ZNF385D: variants seen among roughly 807,000 people sequenced by gnomAD.
ZNF385D encodes zinc finger protein 659.
Under a neutral mutation model 35.8 loss-of-function variants are expected in ZNF385D, and 15 were observed. The ratio of observed to expected loss-of-function variants is 0.42; its 90% CI spans 0.28 to 0.64. The LOEUF (loss-of-function observed/expected upper bound fraction) is 0.64. Among genes scored for constraint, ZNF385D ranks in the 30% least tolerant of loss-of-function variants. The pLI is 0.23. For missense variants in ZNF385D, 474 were observed against 494.6 expected, an observed-to-expected ratio of 0.96 and a Z score of 0.39; for synonymous variants, 212 against 186.8, an observed-to-expected ratio of 1.13 and a Z score of -1.10.
chr3:22,140,496 T>G (rs1461720901), intron 3 of ZNF385D, among the ~76,000 whole-genome samples: 1 of 152,172 alleles, frequency 6.6e-6, no homozygotes, highest in African/African-American at 2.4e-5. Flanking sequence ...TGAAAATGTA[T>G]CTATGTGATA....
chr3:22,181,707 A>G (rs1256405675), intron 2 of ZNF385D, among the ~76,000 whole-genome samples: 1 of 152,048 alleles, frequency 6.6e-6, no homozygotes, highest in Non-Finnish European at 1.5e-5. Flanking sequence ...CAAAAAAAAA[A>G]AAAAAAAAAG....
chr3:22,176,322 T>A (rs1178086837), intron 2 of ZNF385D, among the ~76,000 whole-genome samples: 1 of 152,176 alleles, frequency 6.6e-6, no homozygotes, highest in Non-Finnish European at 1.5e-5. Flanking sequence ...TGTCACATGT[T>A]ATCATAAGTT....
At chr3:21,607,328 A>G (rs1189067210) in intron 2 of ZNF385D, among the ~76,000 whole-genome samples, 1 of 152,196 alleles carries the variant, frequency 6.6e-6, no homozygotes, top group Non-Finnish European at 1.5e-5. Context: ...ATTTATTTTT[A>G]TTGTCATTTA....
chr3:22,368,486 G>A (rs1005283132), intron 2 of ZNF385D, among the ~76,000 whole-genome samples: 1 of 152,084 alleles, frequency 6.6e-6, no homozygotes, highest in African/African-American at 2.4e-5. Flanking sequence ...TAATCAGTAT[G>A]GACTGCTACA....
At chr3:22,040,226 T>C (rs1405071923) in intron 3 of ZNF385D, among the ~76,000 whole-genome samples, 11 of 152,342 alleles carry the variant, frequency 7.2e-5, no homozygotes, top group African/African-American at 2.4e-4. Context: ...TTAAACCTTT[T>C]ACAAATTATC....
intron 4 of ZNF385D, among the ~76,000 whole-genome samples, chr3:21,477,401 T>G (rs1559329788): frequency 6.6e-6 from 1 of 152,118 alleles, no homozygotes; most frequent in Non-Finnish European, 1.5e-5. Context: ...TACTTCAGCC[T>G]GGGTGACAGA....
At chr3:21,910,170 G>C (rs563962823) in intron 3 of ZNF385D, among the ~76,000 whole-genome samples, 10 of 151,748 alleles carry the variant, frequency 6.6e-5, no homozygotes, top group African/African-American at 2.4e-4. Flanking sequence ...TGATAGGATT[G>C]CACCGTCATC....
chr3:22,137,226 G>A (rs9874552), intron 3 of ZNF385D, among the ~76,000 whole-genome samples: 7 of 152,040 alleles, frequency 4.6e-5, no homozygotes, highest in South Asian at 2.1e-4. Flanking sequence ...ATTCACAGCC[G>A]AATTCTACCA....
intron 3 of ZNF385D, among the ~76,000 whole-genome samples, chr3:21,962,219 TG>T (rs1305086381): frequency 6.6e-6 from 1 of 152,088 alleles, no homozygotes; most frequent in East Asian, 1.9e-4. Flanking sequence ...ATCCTGGTGC[TG>T]GATGTAAAGA....
At chr3:21,918,629 T>C (rs1028795382) in intron 3 of ZNF385D, among the ~76,000 whole-genome samples, 10 of 152,172 alleles carry the variant, frequency 6.6e-5, no homozygotes, top group African/African-American at 2.2e-4. Context: ...TAGCAGAGGG[T>C]ATTACATGGT....
chr3:22,211,068 C>G lies in ZNF385D; in HGVS notation c.107-42033G>C, dbSNP rs1245048094. Among the ~76,000 whole-genome samples, 3 of 151,848 alleles carry G rather than the reference C, an allele frequency of 2.0e-5. No homozygotes were observed. The Admixed American group carries it at 2.0e-4, about 10-fold the overall frequency. On this transcript the variant is annotated intron_variant, in intron 2 of 5. Transcript: ENST00000494108. ...AATCTTTTCTAAATTCTCCAAAACT[C>G]TTTTTATGGTACTTGTGCTTACCCA...
chr3:21,525,459 G>A (rs944110018), intron 3 of ZNF385D, among the ~76,000 whole-genome samples: 11 of 151,920 alleles, frequency 7.2e-5, no homozygotes, highest in South Asian at 2.1e-4. Context: ...AAGCCGAGGC[G>A]GGCAGATCAC....
chr3:21,441,061 G>T (rs1166601548), intron 4 of ZNF385D, among the ~76,000 whole-genome samples: 1 of 152,086 alleles, frequency 6.6e-6, no homozygotes, highest in Admixed American at 6.6e-5. Context: ...AGCCACTGGG[G>T]ATAAGAAGGC....
rs1228316521 is a variant in ZNF385D, at chr3:21,682,570, G to T, written c.23-17542C>A. ...CATTTTCAGGTCCTTTAATAGAAAT[G>T]AAAGTCAAGGGTTAATCTTTTTTAG... On this transcript the variant is annotated intron_variant, in intron 1 of 7. Coordinates refer to ENST00000281523, the MANE Select transcript of ZNF385D (RefSeq NM_024697.3). Among the ~76,000 whole-genome samples, 2 of 150,092 alleles carry T rather than the reference G, an allele frequency of 1.3e-5. 1 individual carries two copies. The highest frequency in any genetic ancestry group is 4.9e-5 in the African/African-American group (2 of 40,734).
chr3:22,145,170 C>G (rs1348656167), intron 3 of ZNF385D, among the ~76,000 whole-genome samples: 1 of 152,176 alleles, frequency 6.6e-6, no homozygotes, highest in East Asian at 1.9e-4. Context: ...GCTTTAGCAA[C>G]TATAACATAC....
intron 3 of ZNF385D, among the ~76,000 whole-genome samples, chr3:22,142,631 G>C (rs1704578581): frequency 6.6e-6 from 1 of 152,062 alleles, no homozygotes; most frequent in African/African-American, 2.4e-5. Flanking sequence ...TAATGGTATA[G>C]ACTAGATCAA....
intron 1 of ZNF385D, among the ~76,000 whole-genome samples, chr3:21,689,528 C>A (rs2067215074): frequency 6.6e-6 from 1 of 151,966 alleles, no homozygotes; most frequent in Non-Finnish European, 1.5e-5. Context: ...GTAGACTCAA[C>A]TACACATTAG....
chr3:21,670,112 G>A (rs1464680586), intron 1 of ZNF385D, among the ~76,000 whole-genome samples: 2 of 151,950 alleles, frequency 1.3e-5, no homozygotes, highest in African/African-American at 2.4e-5. Context: ...TCATGCCAAT[G>A]GAGAATTTCG....
chr3:21,546,064 A>T (rs948721049), intron 3 of ZNF385D, among the ~76,000 whole-genome samples: 5 of 150,982 alleles, frequency 3.3e-5, no homozygotes, highest in African/African-American at 1.2e-4. Flanking sequence ...GTCCTATCAT[A>T]TTTTTTTTTT....
Sources: allele counts gnomAD v4.1 joint callset (sites outside exome capture counted in the v4.1 genomes callset), GRCh38; gene constraint gnomAD v4.1.1; transcripts MANE v1.5; gene names NCBI Gene and HGNC (gene_info 2026-07-23, HGNC 2026-07-21).